CTNNBL1: variants seen among roughly 807,000 people sequenced by gnomAD.
The protein encoded by CTNNBL1 is catenin beta like 1, also known as beta-catenin-like protein 1.
Under a neutral mutation model 72.7 loss-of-function variants are expected in CTNNBL1, and 31 were observed. That is an observed-to-expected ratio of 0.43 (90% CI 0.32 to 0.58). CTNNBL1 has a LOEUF of 0.58. Among genes scored for constraint, CTNNBL1 ranks in the 20% least tolerant of loss-of-function variants. CTNNBL1 has a pLI of 0.08. For synonymous variants in CTNNBL1, 240 were observed against 267.3 expected, an observed-to-expected ratio of 0.90 and a Z score of 1.00; for missense variants, 534 against 725.1, an observed-to-expected ratio of 0.74 and a Z score of 3.03.
At chr20:37,761,440 G>A (rs766604993) in intron 5 of CTNNBL1, among the ~76,000 whole-genome samples, 1 of 152,164 alleles carries the variant, frequency 6.6e-6, no homozygotes, top group Non-Finnish European at 1.5e-5. Context: ...GCTGAGGTTG[G>A]CCAGGTTTAT....
rs144396583 is a variant in CTNNBL1, at chr20:37,708,461, C to A, written c.30+14309C>A. Reference sequence around the variant, plus strand: ...TGTTGGGATTACAGGTGTGAGCCACCGCGCCCAGCTGATAGACTTTCTTGA... The same window carrying A: ...TGTTGGGATTACAGGTGTGAGCCACAGCGCCCAGCTGATAGACTTTCTTGA... On this transcript the variant is annotated intron_variant, in intron 1 of 15. Coordinates refer to ENST00000361383, the MANE Select transcript of CTNNBL1 (RefSeq NM_030877.5). 8.5e-5 allele frequency among the ~76,000 whole-genome samples: 13 copies of A among 152,094 alleles called. No individual in the cohort carries two copies. In the East Asian group the frequency reaches 2.5e-3, roughly 29 times the overall value.
intron 10 of CTNNBL1, among the ~76,000 whole-genome samples, chr20:37,780,566 C>G (rs141240840): frequency 1.6e-4 from 24 of 152,270 alleles, no homozygotes; most frequent in African/African-American, 5.8e-4. Context: ...TGTGAATAAT[C>G]TTCATGAGAG....
At chr20:37,859,584 G>C (rs1392261409) in intron 13 of CTNNBL1, among the ~76,000 whole-genome samples, 3 of 145,516 alleles carry the variant, frequency 2.1e-5, no homozygotes, top group Non-Finnish European at 4.5e-5. Flanking sequence ...TAAATAGCTT[G>C]GATTTGTGTC....
At chr20:37,795,427 G>C (rs1289462359) in intron 10 of CTNNBL1, among the ~76,000 whole-genome samples, 1 of 152,134 alleles carries the variant, frequency 6.6e-6, no homozygotes, top group East Asian at 1.9e-4. Context: ...GAGTATAATG[G>C]TATGTATATG....
At chr20:37,861,949 C>T (rs912053007) in intron 15 of CTNNBL1, among the ~76,000 whole-genome samples, 3 of 152,100 alleles carry the variant, frequency 2.0e-5, no homozygotes, top group Non-Finnish European at 4.4e-5. Context: ...CAGAGACAGT[C>T]CAGAAAGAAA....
At chr20:37,788,214 T>C (rs892248392) in intron 10 of CTNNBL1, among the ~76,000 whole-genome samples, 7 of 152,184 alleles carry the variant, frequency 4.6e-5, no homozygotes, top group African/African-American at 1.2e-4. Flanking sequence ...GCACCATGCA[T>C]GGTAAGTTGT....
intron 1 of CTNNBL1, among the ~76,000 whole-genome samples, 185 bp from the exon 2 acceptor site, chr20:37,732,694 G>A (rs1568755559): frequency 6.6e-6 from 1 of 152,166 alleles, no homozygotes; most frequent in Non-Finnish European, 1.5e-5. Context: ...GCCTTGCAAA[G>A]TCTTTTTTTG....
At chr20:37,792,044 A>G (rs998227429) in intron 10 of CTNNBL1, among the ~76,000 whole-genome samples, 1 of 152,142 alleles carries the variant, frequency 6.6e-6, no homozygotes, top group Non-Finnish European at 1.5e-5. Flanking sequence ...TGTTGGTGTC[A>G]TTGAAGATAT....
chr20:37,811,153 T>C (rs1038998247), intron 11 of CTNNBL1, among the ~76,000 whole-genome samples: 8 of 152,174 alleles, frequency 5.3e-5, no homozygotes, highest in African/African-American at 1.9e-4. Flanking sequence ...GCTGTAAATA[T>C]GCCAGTTCTA....
In CTNNBL1 at chr20:37,767,988, A is replaced by G; in HGVS notation, c.694A>G (p.Met232Val). ...AAACATGGCTGAGTTCCGGCCTGAG[A>G]TGTGTACAGAGGGTGCCCAGCAGGG... ...VENMAEFRPE[M>V]CTEGAQQGLL... Residue 232 changes from methionine to valine, a missense_variant, in exon 7 of 16, where the codon ATG (methionine) becomes GTG (valine). Coordinates refer to ENST00000361383, the MANE Select transcript of CTNNBL1 (RefSeq NM_030877.5). The G allele has an allele frequency of 6.2e-7, 1 of 1,613,978 alleles. No homozygotes were observed. The highest frequency in any genetic ancestry group is 8.5e-7 in the Non-Finnish European group (1 of 1,179,954).
intron 1 of CTNNBL1, among the ~76,000 whole-genome samples, chr20:37,731,762 T>G (rs2073130849): frequency 6.6e-6 from 1 of 152,232 alleles, no homozygotes; most frequent in Non-Finnish European, 1.5e-5. Flanking sequence ...CCCCACTTTT[T>G]AGGGCTGAGT....
At chr20:37,839,631 A>G (rs1268498056) in intron 11 of CTNNBL1, among the ~76,000 whole-genome samples, 1 of 152,242 alleles carries the variant, frequency 6.6e-6, no homozygotes, top group Non-Finnish European at 1.5e-5. Context: ...AAGTGATAGC[A>G]CTGGGTCCCT....
chr20:37,865,717 G>A (rs1209564346), intron 15 of CTNNBL1, among the ~76,000 whole-genome samples: 1 of 152,204 alleles, frequency 6.6e-6, no homozygotes, highest in African/African-American at 2.4e-5. Context: ...TCTTATCGAT[G>A]TTTTAGTCTC....
chr20:37,817,898 G>A (rs773453553), intron 11 of CTNNBL1, among the ~76,000 whole-genome samples: 1 of 152,152 alleles, frequency 6.6e-6, no homozygotes, highest in Non-Finnish European at 1.5e-5. Flanking sequence ...CTTGGGGATG[G>A]CCTTTATTTA....
chr20:37,805,232 C>T (rs1029304985), intron 11 of CTNNBL1, among the ~76,000 whole-genome samples: 1 of 152,224 alleles, frequency 6.6e-6, no homozygotes, highest in African/African-American at 2.4e-5. Context: ...GTGTGCTAAG[C>T]TAGAGCACAG....
intron 7 of CTNNBL1, among the ~76,000 whole-genome samples, chr20:37,774,856 T>G (rs1479505242): frequency 6.6e-6 from 1 of 152,254 alleles, no homozygotes; most frequent in Admixed American, 6.5e-5. Context: ...ATTATGTTTT[T>G]AAATTCTCAT....
At chr20:37,698,938 T>C (rs1358091208) in intron 1 of CTNNBL1, among the ~76,000 whole-genome samples, 2 of 151,986 alleles carry the variant, frequency 1.3e-5, no homozygotes, top group African/African-American at 4.8e-5. Context: ...CCCAGCTACT[T>C]AGGAGGCTGA....
intron 10 of CTNNBL1, among the ~76,000 whole-genome samples, chr20:37,780,761 A>G (rs1325745455): frequency 6.6e-6 from 1 of 152,210 alleles, no homozygotes; most frequent in Non-Finnish European, 1.5e-5. Context: ...CATCAGTAAC[A>G]TTCTTGGAAA....
chr20:37,821,217 G>A lies in CTNNBL1; in HGVS notation c.1213+18169G>A, dbSNP rs6021142. Among the ~76,000 whole-genome samples the A allele has an allele frequency of 1.0e-3, 156 of 152,228 alleles. 2 individuals carry two copies. The highest frequency in any genetic ancestry group is 3.5e-3 in the African/African-American group (146 of 41,532). On this transcript the variant is annotated intron_variant, in intron 11 of 15. Transcript: ENST00000361383. ...AAGCCTCTCCTGATTTTCCATTTCT[G>A]TTCTGAGACTGCTTCCTTTCTTATG...
Sources: gnomAD v4.1 joint callset for allele counts (sites outside exome capture counted in the v4.1 genomes callset) on GRCh38, gnomAD v4.1.1 for gene constraint, MANE v1.5 for transcripts, NCBI Gene and HGNC (gene_info 2026-07-23, HGNC 2026-07-21) for gene names.